Variants in CLN3 observed in about 807,000 individuals in gnomAD.
CLN3 encodes the protein battenin.
CLN3 carries 49 observed loss-of-function variants against 60.7 expected under a neutral mutation model. That is an observed-to-expected ratio of 0.81 (90% CI 0.64 to 1.02). CLN3 has a LOEUF of 1.02. Ranked by LOEUF, CLN3 falls within the 50% of genes least tolerant of loss-of-function variation. CLN3 has a pLI of 0.00. For synonymous variants in CLN3, 256 were observed against 245.8 expected, an observed-to-expected ratio of 1.04 and a Z score of -0.39; for missense variants, 516 against 557.4, an observed-to-expected ratio of 0.93 and a Z score of 0.75.
At position 28,487,655 on chromosome 16, in the gene CLN3, C is replaced by T. The variant is rs2141714955; in HGVS notation, c.374+7G>A. The T allele has an allele frequency of 6.2e-7, 1 of 1,612,994 alleles. No homozygotes were observed. ...CCCACCCTGCCTCCCACTACCCTCA[C>T]CCAGACCTGTAGGGCAGCAGGTGAA... On this transcript the variant is annotated splice_region_variant and intron_variant, in intron 6 of 15. Coordinates refer to ENST00000636147, the MANE Select transcript of CLN3 (RefSeq NM_001042432.2).
downstream of CLN3, chr16:28,475,231 C>T (rs1476820520): frequency 6.6e-6 from 1 of 152,294 alleles, no homozygotes; most frequent in African/African-American, 2.4e-5. Flanking sequence ...GCCTGGGTGA[C>T]AGGGCAAGAC....
rs972653650 is a variant in CLN3 at position 28,487,338 on chromosome 16, G to A, written c.460+118C>T. 24 of 847,820 alleles carry A rather than the reference G, an allele frequency of 2.8e-5. 2 individuals are homozygous for A. The highest frequency in any genetic ancestry group is 2.2e-4 in the South Asian group (16 of 72,030). The allele number at this position is 847,820 out of a possible 1,614,324, so 52.5% of individuals were successfully genotyped here. ...TCGCCTACTGCTGATAGCCCTAGCAGGCTTCTAAGGGTGACAGAATGAATC... is the reference window on the plus strand; with the variant it reads ...TCGCCTACTGCTGATAGCCCTAGCAAGCTTCTAAGGGTGACAGAATGAATC... On this transcript the variant is annotated intron_variant, in intron 7 of 15. Coordinates refer to ENST00000636147, the MANE Select transcript of CLN3 (RefSeq NM_001042432.2).
At chr16:28,482,074 G>A in intron 14 of CLN3, 31 bp downstream of exon 14, 1 of 1,559,150 alleles carries the variant, frequency 6.4e-7, no homozygotes, top group Non-Finnish European at 8.8e-7. Context: ...GAGCCAAGGT[G>A]GGAGTGAAGT....
At chr16:28,488,531 T>A in intron 5 of CLN3, 60 bp downstream of exon 5, 1 of 1,431,100 alleles carries the variant, frequency 7.0e-7, no homozygotes, top group South Asian at 1.1e-5. Context: ...GGGCTGGGAG[T>A]GGGGTCTATA....
intron 7 of CLN3, 80 bp from the exon 8 acceptor site, chr16:28,486,730 C>T: frequency 7.4e-7 from 1 of 1,348,538 alleles, no homozygotes. Flanking sequence ...TGGCCATGGC[C>T]TCCTCAGTAT....
At chr16:28,473,949 C>T (rs2045971347), downstream of CLN3, among the ~76,000 whole-genome samples, 3 of 151,024 alleles carry the variant, frequency 2.0e-5, no homozygotes, top group South Asian at 6.3e-4. Context: ...CCAAACCAGA[C>T]AACCAAAGGA....
chr16:28,487,958 GA>G, intron 5 of CLN3: 1 of 574,812 alleles, frequency 1.7e-6, no homozygotes, highest in South Asian at 1.9e-5. Flanking sequence ...TGGAAAATGG[GA>G]ATATCATAGC....
intron 9 of CLN3, among the ~76,000 whole-genome samples, chr16:28,485,486 A>G (rs1399846298): frequency 6.9e-6 from 1 of 145,060 alleles, no homozygotes; most frequent in Non-Finnish European, 1.5e-5. Context: ...GAGAATCACT[A>G]GAGCCCGGGA....
the CLN3 span, among the ~76,000 whole-genome samples, chr16:28,468,553 A>C: frequency 7.3e-4 from 102 of 140,590 alleles, no homozygotes; most frequent in Non-Finnish European, 1.3e-3. Flanking sequence ...TCACGCCTGC[A>C]ATCTCAGCAC....
downstream of CLN3, among the ~76,000 whole-genome samples, chr16:28,470,166 C>A (rs1308749251): frequency 2.2e-5 from 3 of 135,462 alleles, no homozygotes; most frequent in Non-Finnish European, 4.7e-5. Flanking sequence ...TACGCACCAC[C>A]AGGCCCGACT....
intron 5 of CLN3, 124 bp downstream of exon 5, chr16:28,488,467 G>A (rs896832010): frequency 1.1e-5 from 9 of 826,006 alleles, no homozygotes; most frequent in Middle Eastern, 2.6e-4. Flanking sequence ...GAGCCAGTGC[G>A]CCCAGCCCAG....
intron 9 of CLN3, among the ~76,000 whole-genome samples, chr16:28,485,786 A>G (rs1169986787): frequency 1.3e-5 from 2 of 151,268 alleles, no homozygotes; most frequent in Non-Finnish European, 2.9e-5. Context: ...CATTACCCTC[A>G]TCACCTCCAA....
chr16:28,489,505 C>T, intron 3 of CLN3, 119 bp from the exon 4 acceptor site: 1 of 739,904 alleles, frequency 1.4e-6, no homozygotes, highest in South Asian at 1.5e-5. Flanking sequence ...TTCCCTCTAT[C>T]ACCAGATCCC....
At chr16:28,478,677 G>A (rs1371920385) in intron 14 of CLN3, among the ~76,000 whole-genome samples, 3 of 141,582 alleles carry the variant, frequency 2.1e-5, no homozygotes, top group African/African-American at 8.2e-5. Context: ...TGGGACCATC[G>A]AAACCAGGAT....
intron 9 of CLN3, among the ~76,000 whole-genome samples, chr16:28,485,895 C>G (rs1354703359): frequency 1.3e-5 from 2 of 152,016 alleles, no homozygotes; most frequent in African/African-American, 2.4e-5. Flanking sequence ...AGTGGCAGCT[C>G]CAGGACTCAC....
downstream of CLN3, among the ~76,000 whole-genome samples, chr16:28,473,415 G>C (rs2141689312): frequency 6.6e-6 from 1 of 151,906 alleles, no homozygotes; most frequent in East Asian, 1.9e-4. Flanking sequence ...TTTTTATAGA[G>C]ATAGAACCTT....
chr16:28,480,865 C>T (rs1200711624), intron 14 of CLN3, among the ~76,000 whole-genome samples: 1 of 152,110 alleles, frequency 6.6e-6, no homozygotes, highest in Non-Finnish European at 1.5e-5. Flanking sequence ...GTGTTTGCGC[C>T]CTTAAAGCTG....
downstream of CLN3, chr16:28,476,867 T>C (rs1488908634): frequency 1.3e-5 from 2 of 156,960 alleles, no homozygotes; most frequent in Non-Finnish European, 2.8e-5. Context: ...CCAGGTACAG[T>C]GGCTCACACC....
chr16:28,482,245 T>C, intron 13 of CLN3, 47 bp from the exon 14 acceptor site: 1 of 1,601,354 alleles, frequency 6.2e-7, no homozygotes, highest in Non-Finnish European at 8.5e-7. Context: ...CCAGGGACCA[T>C]CCCGCTCCCC....
Sources: allele counts gnomAD v4.1 joint callset (sites outside exome capture counted in the v4.1 genomes callset), GRCh38; gene constraint gnomAD v4.1.1; transcripts MANE v1.5; gene names NCBI Gene and HGNC (gene_info 2026-07-23, HGNC 2026-07-21).